CARM1: variants seen among roughly 807,000 people sequenced by gnomAD.
The protein encoded by CARM1 is histone-arginine methyltransferase CARM1.
Under a neutral mutation model 72.7 loss-of-function variants are expected in CARM1, and 14 were observed. The observed-to-expected ratio is 0.19, with a 90% CI of 0.13 to 0.30. The LOEUF is 0.30. Ranked by LOEUF, CARM1 falls within the 10% of genes least tolerant of loss-of-function variation. CARM1 has a pLI of 1.00. For synonymous variants in CARM1, 333 were observed against 345.5 expected (o/e 0.96, Z 0.40); for missense variants, 432 against 833.7 (o/e 0.52, Z 5.93).
intron 1 of CARM1, among the ~76,000 whole-genome samples, chr19:10,898,860 G>T (rs1238326967): frequency 6.6e-6 from 1 of 152,166 alleles, no homozygotes; most frequent in African/African-American, 2.4e-5. Context: ...GGAGAGGAAG[G>T]GAGAAAGTGG....
chr19:10,921,336 G>A (rs367878342), intron 14 of CARM1, 39 bp from the exon 15 acceptor site: 118 of 1,607,004 alleles, frequency 7.3e-5, no homozygotes, highest in African/African-American at 2.0e-4. Context: ...GGGCGGTGAC[G>A]CCGTCTCCCT....
intron 1 of CARM1, among the ~76,000 whole-genome samples, chr19:10,895,039 C>T (rs1599694884): frequency 1.3e-5 from 2 of 152,252 alleles, no homozygotes; most frequent in East Asian, 3.9e-4. Context: ...GCCACTGTTC[C>T]CAGCCGGCCT....
intron 4 of CARM1, among the ~76,000 whole-genome samples, chr19:10,909,755 C>T (rs1042340375): frequency 6.6e-6 from 1 of 151,290 alleles, no homozygotes; most frequent in Non-Finnish European, 1.5e-5. Flanking sequence ...AACAAACAAA[C>T]AAAAAAAACA....
At chr19:10,880,294 A>C (rs963561969) in intron 1 of CARM1, among the ~76,000 whole-genome samples, 3 of 152,130 alleles carry the variant, frequency 2.0e-5, no homozygotes, top group African/African-American at 7.2e-5. Flanking sequence ...TGAGGTGGCG[A>C]GTTGAGGCTG....
chr19:10,906,932 A>T (rs1373686541), intron 2 of CARM1, among the ~76,000 whole-genome samples: 1 of 117,286 alleles, frequency 8.5e-6, no homozygotes, highest in African/African-American at 3.3e-5. Context: ...TTTGAGACAG[A>T]GTCTCACTCT....
intron 1 of CARM1, among the ~76,000 whole-genome samples, chr19:10,893,331 C>A (rs2074001460): frequency 6.6e-6 from 1 of 151,964 alleles, no homozygotes; most frequent in Non-Finnish European, 1.5e-5. Flanking sequence ...GCCACTGCCC[C>A]CACTGTGCCT....
chr19:10,916,771 T>A lies in CARM1; in HGVS notation c.1014T>A (p.Pro338=). 1 of 1,549,762 alleles carries A rather than the reference T, an allele frequency of 6.5e-7. No homozygotes were observed. The highest frequency in any genetic ancestry group is 8.7e-7 in the Non-Finnish European group (1 of 1,145,828). Residue 338 remains proline (P), a synonymous_variant, in exon 8 of 16, where the codon CCT becomes CCA. Transcript: ENST00000327064. This position sits in a 1 kb window ranked among gnomAD's most constrained non-coding sequence, Gnocchi z 4.4. The part of the protein sequence containing the change: ...GAAVDEYFRQ[P]VVDTFDIRIL... ...CGGTGGATGAGTATTTCCGGCAGCC[T>A]GTGGTGGTGAGTAGGGCCTCCAGGG... is the stretch of plus-strand genomic sequence containing the variant.
chr19:10,887,850 G>A (rs1249832479), intron 1 of CARM1, among the ~76,000 whole-genome samples: 2 of 152,062 alleles, frequency 1.3e-5, no homozygotes, highest in African/African-American at 4.8e-5. Flanking sequence ...GGCTGCCTCC[G>A]CTCCAGCCTC....
chr19:10,878,513 C>T (rs974685258), intron 1 of CARM1, among the ~76,000 whole-genome samples: 1 of 152,154 alleles, frequency 6.6e-6, no homozygotes, highest in Admixed American at 6.5e-5. Flanking sequence ...GAGATACCAA[C>T]CCCAATTTAC....
chr19:10,898,277 A>G (rs76320121), intron 1 of CARM1, among the ~76,000 whole-genome samples: 1 of 152,010 alleles, frequency 6.6e-6, no homozygotes, highest in Non-Finnish European at 1.5e-5. Flanking sequence ...ACTGCACTCC[A>G]GTCTAGGCGA....
intron 14 of CARM1, 92 bp downstream of exon 14, chr19:10,921,219 T>C: frequency 1.4e-6 from 2 of 1,459,338 alleles, no homozygotes; most frequent in Non-Finnish European, 1.9e-6. Flanking sequence ...GGTCGGCCTC[T>C]GCTTGGTCCT....
intron 1 of CARM1, among the ~76,000 whole-genome samples, chr19:10,875,841 C>T (rs2073860390): frequency 6.6e-6 from 1 of 151,568 alleles, no homozygotes; most frequent in African/African-American, 2.4e-5. Context: ...ATAAGGTCAC[C>T]TTCACAGATT....
intron 2 of CARM1, 111 bp downstream of exon 2, chr19:10,905,187 T>C: frequency 4.6e-6 from 6 of 1,308,554 alleles, no homozygotes; most frequent in Admixed American, 2.1e-5. Context: ...TTAAGAAGGC[T>C]CCACTGCCCT....
intron 1 of CARM1, among the ~76,000 whole-genome samples, chr19:10,872,949 C>G (rs919292590): frequency 6.6e-6 from 1 of 152,078 alleles, no homozygotes; most frequent in Non-Finnish European, 1.5e-5. Flanking sequence ...AAGGAAAGCC[C>G]GAGGAGCAGT....
At chr19:10,902,801 G>C (rs576933447) in intron 1 of CARM1, among the ~76,000 whole-genome samples, 1 of 151,352 alleles carries the variant, frequency 6.6e-6, no homozygotes, top group African/African-American at 2.4e-5. Flanking sequence ...GTAGAGACGG[G>C]ATTTCACCAT....
rs2074234009 is a variant in CARM1, at chr19:10,920,587, C to G, written c.1334+14C>G. ...TGCCAACAAAAGGTGCGACTGCTCC[C>G]TGGGGCTGGTGGTGGTGGGCAGGGG... On this transcript the variant is annotated intron_variant, in intron 11 of 15. Coordinates refer to ENST00000327064, the MANE Select transcript of CARM1 (RefSeq NM_199141.2). This position sits in a 1 kb window ranked among gnomAD's most constrained non-coding sequence, Gnocchi z 5.3. 2 of 1,613,844 alleles carry G rather than the reference C, an allele frequency of 1.2e-6. No homozygotes were observed. The highest frequency in any genetic ancestry group is 2.7e-5 in the African/African-American group (2 of 74,888).
chr19:10,916,200 G>A lies in CARM1; in HGVS notation c.848-207G>A, dbSNP rs964367956. 1.3e-5 allele frequency among the ~76,000 whole-genome samples: 2 copies of A among 152,186 alleles called. No individual in the cohort carries two copies. The highest frequency in any genetic ancestry group is 2.9e-5 in the Non-Finnish European group (2 of 68,032). ...AGCCTCCCAGTCTCAGGTGGAATTC[G>A]TGAGCTGGTGCAGGTCAGGTACCCG... is the stretch of plus-strand genomic sequence containing the variant. On this transcript the variant is annotated intron_variant, in intron 6 of 15. Coordinates refer to ENST00000327064, the MANE Select transcript of CARM1 (RefSeq NM_199141.2). The surrounding 1 kb of genome is among the most constrained non-coding windows in gnomAD (Gnocchi z 4.4).
chr19:10,895,078 G>T (rs1157860746), intron 1 of CARM1, among the ~76,000 whole-genome samples: 1 of 151,774 alleles, frequency 6.6e-6, no homozygotes, highest in Non-Finnish European at 1.5e-5. Flanking sequence ...AAAGAATGTG[G>T]CCCTGATGTC....
At chr19:10,913,802 C>T (rs1304608271) in intron 5 of CARM1, 75 bp from the exon 6 acceptor site, 1 of 1,460,358 alleles carries the variant, frequency 6.8e-7, no homozygotes, top group Non-Finnish European at 9.3e-7. Flanking sequence ...GGAGGCTGTC[C>T]CTTGAGAGCA....
Sources: gnomAD v4.1 joint callset for allele counts (sites outside exome capture counted in the v4.1 genomes callset) on GRCh38, gnomAD v4.1.1 for gene constraint, Gnocchi (gnomAD v3.1) non-coding constraint, MANE v1.5 for transcripts, NCBI Gene and HGNC (gene_info 2026-07-23, HGNC 2026-07-21) for gene names.